The following PTPRD variants were observed in gnomAD, a reference collection of about 807,000 sequenced individuals.
PTPRD encodes the protein protein tyrosine phosphatase receptor type D.
A neutral mutation model predicts 214.5 loss-of-function variants in PTPRD; 34 were observed. That is an observed-to-expected ratio of 0.16 (90% CI 0.12 to 0.21). PTPRD has a LOEUF of 0.21. PTPRD is among the 10% of genes least tolerant of loss of function. PTPRD has a pLI of 1.00. For missense variants in PTPRD, 2,545 were observed against 2,398.7 expected, an observed-to-expected ratio of 1.06 and a Z score of -1.27; for synonymous variants, 1,128 against 845.7, an observed-to-expected ratio of 1.33 and a Z score of -5.79.
chr9:9,140,745 A>G (rs975233909), intron 10 of PTPRD, among the ~76,000 whole-genome samples: 1 of 151,994 alleles, frequency 6.6e-6, no homozygotes, highest in East Asian at 1.9e-4. Flanking sequence ...CGCCCGGCTA[A>G]TTTTTTGTGT....
At chr9:8,339,724 C>T (rs933205372) in intron 42 of PTPRD, among the ~76,000 whole-genome samples, 1 of 151,762 alleles carries the variant, frequency 6.6e-6, no homozygotes, top group South Asian at 2.1e-4. Context: ...CGAAATAATG[C>T]TTACATCAAG....
intron 5 of PTPRD, among the ~76,000 whole-genome samples, chr9:9,877,899 G>T (rs940727675): frequency 6.6e-6 from 1 of 151,302 alleles, no homozygotes; most frequent in Non-Finnish European, 1.5e-5. Context: ...CTTTACCCCG[G>T]GAGGTGGAGG....
At chr9:10,362,624 G>A (rs1308626878) in intron 2 of PTPRD, among the ~76,000 whole-genome samples, 1 of 152,106 alleles carries the variant, frequency 6.6e-6, no homozygotes, top group Non-Finnish European at 1.5e-5. Context: ...GCTCACGCCT[G>A]GAATCCCAGC....
chr9:9,180,097 A>G (rs1460003667), intron 10 of PTPRD, among the ~76,000 whole-genome samples: 2 of 151,928 alleles, frequency 1.3e-5, no homozygotes, highest in Non-Finnish European at 2.9e-5. Flanking sequence ...CCATTACTGG[A>G]TATATACCCA....
chr9:9,149,013 G>C (rs966813824), intron 10 of PTPRD, among the ~76,000 whole-genome samples: 1 of 152,166 alleles, frequency 6.6e-6, no homozygotes, highest in Non-Finnish European at 1.5e-5. Context: ...AAAGAGCATT[G>C]TAAACTTATA....
intron 10 of PTPRD, among the ~76,000 whole-genome samples, chr9:9,034,076 G>C (rs2099614051): frequency 6.6e-6 from 1 of 152,124 alleles, no homozygotes. Flanking sequence ...TAGCCACAGG[G>C]AATAGAAGCA....
chr9:10,298,777 C>T (rs2095769398), intron 3 of PTPRD, among the ~76,000 whole-genome samples: 1 of 151,974 alleles, frequency 6.6e-6, no homozygotes, highest in African/African-American at 2.4e-5. Flanking sequence ...ATTATTGTCA[C>T]TGAAAGGCAT....
chr9:9,567,451 T>G (rs2084932884), intron 8 of PTPRD, among the ~76,000 whole-genome samples: 1 of 151,976 alleles, frequency 6.6e-6, no homozygotes, highest in Non-Finnish European at 1.5e-5. Flanking sequence ...CACTAAAGAA[T>G]TTTGAGAAGA....
chr9:9,710,633 G>A (rs2097708214), intron 7 of PTPRD, among the ~76,000 whole-genome samples: 1 of 151,588 alleles, frequency 6.6e-6, no homozygotes, highest in Admixed American at 6.6e-5. Flanking sequence ...AGATTCATAA[G>A]ATAATTAGAA....
chr9:8,532,564 G>A (rs1207630765), intron 14 of PTPRD, among the ~76,000 whole-genome samples: 1 of 151,890 alleles, frequency 6.6e-6, no homozygotes, highest in East Asian at 1.9e-4. Flanking sequence ...TTTTACATGA[G>A]GTGAAAAGAA....
intron 11 of PTPRD, among the ~76,000 whole-genome samples, chr9:8,824,412 A>G (rs1473616490): frequency 6.6e-6 from 1 of 152,168 alleles, no homozygotes; most frequent in Non-Finnish European, 1.5e-5. Flanking sequence ...GGTCTCTTGC[A>G]TTCACGGTAG....
intron 3 of PTPRD, among the ~76,000 whole-genome samples, chr9:10,106,584 CAAG>C (rs2098635196): frequency 6.6e-6 from 1 of 151,690 alleles, no homozygotes; most frequent in Non-Finnish European, 1.5e-5. Flanking sequence ...CAGCCTCTAA[CAAG>C]AAGTAAAGTT....
intron 11 of PTPRD, among the ~76,000 whole-genome samples, chr9:9,013,298 G>A (rs555215886): frequency 1.7e-4 from 26 of 152,042 alleles, no homozygotes; most frequent in Non-Finnish European, 3.4e-4. Context: ...CTCTCAAGGT[G>A]ATGGGCAAAA....
intron 3 of PTPRD, among the ~76,000 whole-genome samples, chr9:10,072,707 C>T (rs976462146): frequency 3.3e-5 from 5 of 152,080 alleles, no homozygotes; most frequent in Admixed American, 3.3e-4. Flanking sequence ...ATTTTACAAT[C>T]CTCTTGCTAG....
intron 3 of PTPRD, among the ~76,000 whole-genome samples, chr9:10,048,824 C>T (rs1450546274): frequency 6.6e-6 from 1 of 151,910 alleles, no homozygotes; most frequent in Non-Finnish European, 1.5e-5. Flanking sequence ...GCTAACAATT[C>T]ATAGTAACTT....
intron 36 of PTPRD, among the ~76,000 whole-genome samples, chr9:8,394,146 T>TG (rs959777784): frequency 3.3e-5 from 5 of 151,360 alleles, no homozygotes; most frequent in African/African-American, 1.2e-4. Flanking sequence ...CTTTGAATAA[T>TG]GGGGTCATGT....
rs532831696 is a variant in PTPRD, at chr9:8,480,497, A to G, written c.3413+3622T>C. Among the ~76,000 whole-genome samples, 183 of 152,304 alleles carry G rather than the reference A, an allele frequency of 1.2e-3. 1 individual carries two copies. The highest frequency in any genetic ancestry group is 3.8e-3 in the African/African-American group (157 of 41,560). ...CCAATTAACTATGCTGTATGAGAAC[A>G]ATGAGAAAGGACACACTGTCGCTAC... On this transcript the variant is annotated intron_variant, in intron 30 of 45. Transcript: ENST00000381196.
chr9:8,601,154 C>A (rs2094834238), intron 14 of PTPRD, among the ~76,000 whole-genome samples: 1 of 152,134 alleles, frequency 6.6e-6, no homozygotes, highest in Admixed American at 6.5e-5. Flanking sequence ...TGATGTTCCT[C>A]TATCTGTGGA....
intron 3 of PTPRD, among the ~76,000 whole-genome samples, chr9:10,073,735 T>C (rs1427928538): frequency 1.3e-5 from 2 of 152,034 alleles, no homozygotes; most frequent in African/African-American, 2.4e-5. Flanking sequence ...CATGTGCCAA[T>C]AGTTGAGGAA....
Sources: gnomAD v4.1 joint callset for allele counts (sites outside exome capture counted in the v4.1 genomes callset) on GRCh38, gnomAD v4.1.1 for gene constraint, MANE v1.5 for transcripts, NCBI Gene and HGNC (gene_info 2026-07-23, HGNC 2026-07-21) for gene names.